Variants in ZNF292 observed in about 807,000 individuals in gnomAD.
The protein encoded by ZNF292 is zinc finger protein 292.
Under a neutral mutation model 217.9 loss-of-function variants are expected in ZNF292, and 26 were observed. The ratio of observed to expected loss-of-function variants is 0.12; its 90% CI spans 0.09 to 0.17. The LOEUF is 0.17. ZNF292 is among the 10% of genes least tolerant of loss of function. The probability of loss-of-function intolerance (pLI) is 1.00; values close to 1 mark genes in which losing one functional copy is unlikely to be tolerated. For synonymous variants in ZNF292, 1,257 were observed against 1,124.1 expected (o/e 1.12, Z -2.37); for missense variants, 2,904 against 3,175.2 (o/e 0.91, Z 2.05).
intron 1 of ZNF292, among the ~76,000 whole-genome samples, chr6:87,205,855 A>G (rs1323333558): frequency 6.6e-6 from 1 of 152,116 alleles, no homozygotes; most frequent in Non-Finnish European, 1.5e-5. Flanking sequence ...CTCTGAGTTT[A>G]TCCTGTTCTT....
At chr6:87,242,326 AT>A (rs966351371) in intron 5 of ZNF292, among the ~76,000 whole-genome samples, 1 of 151,634 alleles carries the variant, frequency 6.6e-6, no homozygotes, top group East Asian at 1.9e-4. Context: ...TGAACACACG[AT>A]TTTTTTTTCT....
At chr6:87,207,445 G>T (rs571342747) in intron 1 of ZNF292, among the ~76,000 whole-genome samples, 35 of 152,196 alleles carry the variant, frequency 2.3e-4, no homozygotes, top group Non-Finnish European at 1.2e-4. Context: ...AAAATTTCAA[G>T]TTTGTAGTTT....
rs1449085278 is a variant in ZNF292 at position 87,260,681 on chromosome 6, T to C, written c.7052T>C (p.Ile2351Thr). ...AACAAGAATGCAAAGATTGTGCAGATTGAAGAAAATAAGCCTTATTCTCTG... is the reference window on the plus strand; with the variant it reads ...AACAAGAATGCAAAGATTGTGCAGACTGAAGAAAATAAGCCTTATTCTCTG... ...LENKNAKIVQ[I>T]EENKPYSLKR... Residue 2351 changes from isoleucine (I) to threonine (T), a missense_variant, in exon 8 of 8, where the codon ATT (isoleucine) becomes ACT (threonine). Physicochemically the swap from Ile to Thr is moderately conservative, Grantham distance 89. Coordinates refer to ENST00000369577, the MANE Select transcript of ZNF292 (RefSeq NM_015021.3). The C allele has an allele frequency of 1.2e-6, 2 of 1,612,678 alleles. No homozygotes were observed. The highest frequency in any genetic ancestry group is 2.2e-5 in the East Asian group (1 of 44,868).
At position 87,255,079 on chromosome 6, in the gene ZNF292, G is replaced by T. The variant is rs1775137296; in HGVS notation, c.1450G>T (p.Asp484Tyr). The T allele has an allele frequency of 1.2e-6, 2 of 1,613,604 alleles. No individual in the cohort carries two copies. The highest frequency in any genetic ancestry group is 4.5e-5 in the East Asian group (2 of 44,876). The change falls in exon 8 of 8, where the codon GAC becomes TAC. Residue 484 changes from aspartate (D) to tyrosine (Y), a missense_variant. This residue lies in a region of ZNF292 where 87 missense variants were observed against 99.6 expected (regional missense o/e 0.87). Coordinates refer to ENST00000369577, the MANE Select transcript of ZNF292 (RefSeq NM_015021.3). ...CAGTGAAGTATATGAAAAAGTGGTAGACTACCAAGAAGAGAGTAAAGAAAC... is the reference window on the plus strand; with the variant it reads ...CAGTGAAGTATATGAAAAAGTGGTATACTACCAAGAAGAGAGTAAAGAAAC... ...NDSEVYEKVV[D>Y]YQEESKETSM...
In ZNF292 at chr6:87,174,247, T is replaced by TTG. The variant is rs1327186596; in HGVS notation, c.168+18489_168+18490insGT. 3 of 153,184 alleles carry TTG rather than the reference T, an allele frequency of 2.0e-5. No individual in the cohort carries two copies. In the Admixed American group the frequency reaches 2.0e-4, roughly 10 times the overall value. 9.5% of individuals were successfully genotyped at this position (153,184 alleles called of 1,614,324 possible). Reference sequence around the variant, plus strand: ...GCAGCTCTAGGAAAGGAAGGACATGTTCAGCCTGCGGCACCACCTCTGAAC... The same window carrying TTG: ...GCAGCTCTAGGAAAGGAAGGACATGTTGTCAGCCTGCGGCACCACCTCTGAAC... On this transcript the variant is annotated intron_variant, in intron 1 of 7. Transcript: ENST00000369577.
intron 7 of ZNF292, among the ~76,000 whole-genome samples, chr6:87,251,115 CAA>C (rs1280433151): frequency 6.6e-6 from 1 of 151,968 alleles, no homozygotes; most frequent in Non-Finnish European, 1.5e-5. Flanking sequence ...AGTATCAAGA[CAA>C]ATGAGAGAAT....
At chr6:87,242,997 T>A (rs982466002) in intron 5 of ZNF292, among the ~76,000 whole-genome samples, 1 of 152,164 alleles carries the variant, frequency 6.6e-6, no homozygotes, top group African/African-American at 2.4e-5. Context: ...ACTATATTTT[T>A]CCCTCATGAA....
chr6:87,259,591 T>A lies in ZNF292; in HGVS notation c.5962T>A (p.Tyr1988Asn), dbSNP rs1287446478. The A allele has an allele frequency of 1.3e-6, 2 of 1,577,718 alleles. No homozygotes were observed. Among genetic ancestry groups the A allele is most frequent in the Non-Finnish European group, 1.7e-6 (2 of 1,160,846 alleles). The change falls in exon 8 of 8, where the codon TAT becomes AAT. Residue 1988 changes from tyrosine (Y) to asparagine (N), a missense_variant. Tyr to Asn is a moderately radical substitution (Grantham distance 143). Around this residue, in one of 15 missense-constraint regions of ZNF292, gnomAD observed 261 missense variants for 272.8 expected, o/e 0.96. Transcript: ENST00000369577. Reference sequence around the variant, plus strand: ...GGTAAAGTTAAAAATTAAAAGGCCTTATGGAAGAAAATCTCAGAGTGAAAA... The same window carrying A: ...GGTAAAGTTAAAAATTAAAAGGCCTAATGGAAGAAAATCTCAGAGTGAAAA... Reference protein sequence around the residue: ...EMVKLKIKRPYGRKSQSENVP... With the variant: ...EMVKLKIKRPNGRKSQSENVP...
chr6:87,192,917 A>G (rs1771859835), intron 1 of ZNF292, among the ~76,000 whole-genome samples: 2 of 152,168 alleles, frequency 1.3e-5, no homozygotes, highest in South Asian at 2.1e-4. Flanking sequence ...ATCTTAATGG[A>G]TAAGGAATAG....
intron 1 of ZNF292, among the ~76,000 whole-genome samples, chr6:87,202,155 G>A (rs780042325): frequency 4.6e-5 from 7 of 152,084 alleles, no homozygotes; most frequent in Non-Finnish European, 7.4e-5. Context: ...GGCTCATATT[G>A]TCATCTTTAA....
At chr6:87,179,191 A>T (rs1268100942) in intron 1 of ZNF292, among the ~76,000 whole-genome samples, 6 of 124,970 alleles carry the variant, frequency 4.8e-5, no homozygotes, top group Non-Finnish European at 9.4e-5. Flanking sequence ...ATGGAGTCTC[A>T]CTCTGTCGCC....
intron 4 of ZNF292, 59 bp from the exon 5 acceptor site, chr6:87,233,266 G>T (rs2127824257): frequency 2.5e-6 from 3 of 1,192,568 alleles, no homozygotes; most frequent in East Asian, 2.5e-5. Context: ...TATAAGTGTT[G>T]GTATTGCAAA....
intron 1 of ZNF292, among the ~76,000 whole-genome samples, chr6:87,187,714 C>A (rs868492238): frequency 3.7e-3 from 358 of 96,178 alleles, no homozygotes; most frequent in Middle Eastern, 5.6e-3. Flanking sequence ...GACTCTGCCT[C>A]AAAAAAAAAA....
chr6:87,178,094 G>A (rs1437875978), intron 1 of ZNF292, among the ~76,000 whole-genome samples: 1 of 151,824 alleles, frequency 6.6e-6, no homozygotes, highest in Non-Finnish European at 1.5e-5. Context: ...TTTAGTCTAT[G>A]GTAAGGCTAT....
At chr6:87,240,309 C>T (rs906036622) in intron 5 of ZNF292, among the ~76,000 whole-genome samples, 22 of 146,788 alleles carry the variant, frequency 1.5e-4, no homozygotes, top group East Asian at 4.0e-4. Context: ...GCAGTACAGT[C>T]CAGCTTCAGC....
chr6:87,231,080 G>A (rs2127821604), intron 4 of ZNF292, among the ~76,000 whole-genome samples: 1 of 152,188 alleles, frequency 6.6e-6, no homozygotes, highest in Admixed American at 6.5e-5. Context: ...ACATTATAAG[G>A]AAAAACATCT....
At chr6:87,230,977 G>A (rs1773621872) in intron 4 of ZNF292, among the ~76,000 whole-genome samples, 1 of 152,064 alleles carries the variant, frequency 6.6e-6, no homozygotes, top group South Asian at 2.1e-4. Flanking sequence ...GATGCTAGTG[G>A]GAAAAGCAGA....
intron 1 of ZNF292, among the ~76,000 whole-genome samples, chr6:87,199,016 G>A (rs1297049773): frequency 6.6e-6 from 1 of 152,114 alleles, no homozygotes; most frequent in African/African-American, 2.4e-5. Context: ...TATTCGTTTT[G>A]GGTGGATTGC....
chr6:87,205,625 T>C (rs186651301), intron 1 of ZNF292, among the ~76,000 whole-genome samples: 1 of 152,248 alleles, frequency 6.6e-6, no homozygotes, highest in Admixed American at 6.5e-5. Context: ...TTAAAACATC[T>C]TTATTGCTCT....
Sources: allele counts gnomAD v4.1 joint callset (sites outside exome capture counted in the v4.1 genomes callset), GRCh38; gene constraint gnomAD v4.1.1; regional missense constraint gnomAD v4.1.1; transcripts MANE v1.5; gene names NCBI Gene and HGNC (gene_info 2026-07-23, HGNC 2026-07-21).